The following AKAP19 variants were observed in gnomAD, a reference collection of about 807,000 sequenced individuals.
AKAP19 encodes the protein small A-kinase anchoring protein.
chr2:189,976,593 G>A, the AKAP19 span, among the ~76,000 whole-genome samples: 2 of 152,200 alleles, frequency 1.3e-5, no homozygotes, highest in African/African-American at 4.8e-5. Flanking sequence ...TACAGAGGCA[G>A]GCAGGCCTCC....
chr2:189,920,603 C>T, the AKAP19 span, among the ~76,000 whole-genome samples: 3 of 152,268 alleles, frequency 2.0e-5, no homozygotes, highest in Admixed American at 2.0e-4. Flanking sequence ...CCTGAGGGTA[C>T]CACTATTCAA....
the AKAP19 span, among the ~76,000 whole-genome samples, chr2:190,072,060 A>G: frequency 6.6e-6 from 1 of 152,232 alleles, no homozygotes; most frequent in Non-Finnish European, 1.5e-5. Flanking sequence ...GAAACAAAGC[A>G]GTAGTAGCAA....
the AKAP19 span, among the ~76,000 whole-genome samples, chr2:190,042,103 TC>T: frequency 6.6e-6 from 1 of 152,126 alleles, no homozygotes; most frequent in Non-Finnish European, 1.5e-5. Flanking sequence ...TACCAGCTCT[TC>T]TTTGTACATC....
At chr2:190,121,608 A>C in the AKAP19 span, among the ~76,000 whole-genome samples, 5 of 152,178 alleles carry the variant, frequency 3.3e-5, no homozygotes. Flanking sequence ...TTCCCTTTAA[A>C]AATAAAAAGT....
At chr2:190,039,867 G>A in the AKAP19 span, among the ~76,000 whole-genome samples, 1 of 152,014 alleles carries the variant, frequency 6.6e-6, no homozygotes, top group Non-Finnish European at 1.5e-5. Context: ...CTTTTTTATG[G>A]TCACATAGTA....
At chr2:190,041,203 T>A in the AKAP19 span, among the ~76,000 whole-genome samples, 2 of 151,868 alleles carry the variant, frequency 1.3e-5, no homozygotes, top group African/African-American at 4.8e-5. Context: ...TTCATCTGTG[T>A]TTTGTAATTC....
the AKAP19 span, among the ~76,000 whole-genome samples, chr2:190,171,493 G>A: frequency 0.31 from 47,436 of 151,300 alleles, 7,453 homozygotes; most frequent in Middle Eastern, 0.36. Flanking sequence ...AGTTTTTTTT[G>A]TAAGTTCAAA....
chr2:189,923,363 G>C, the AKAP19 span: 1 of 1,612,622 alleles, frequency 6.2e-7, no homozygotes, highest in Non-Finnish European at 8.5e-7. Context: ...CAACAAGACA[G>C]ATCCTCGTTC....
At chr2:190,132,667 A>T in the AKAP19 span, among the ~76,000 whole-genome samples, 1 of 152,194 alleles carries the variant, frequency 6.6e-6, no homozygotes, top group Non-Finnish European at 1.5e-5. Context: ...ATAAGACCTG[A>T]AACTGTAAAA....
chr2:189,941,811 C>G, the AKAP19 span, among the ~76,000 whole-genome samples: 3 of 152,060 alleles, frequency 2.0e-5, no homozygotes, highest in Non-Finnish European at 4.4e-5. Context: ...ATAGTAAGTC[C>G]TTATCAATAA....
chr2:190,094,187 A>C, the AKAP19 span, among the ~76,000 whole-genome samples: 1 of 152,234 alleles, frequency 6.6e-6, no homozygotes, highest in Non-Finnish European at 1.5e-5. Flanking sequence ...GAGCAACAGG[A>C]AAGTATATCT....
chr2:190,070,624 C>CGG, the AKAP19 span, among the ~76,000 whole-genome samples: 7,068 of 137,112 alleles, frequency 0.052, 390 homozygotes, highest in African/African-American at 0.13. Flanking sequence ...TCCCCCCCCC[C>CGG]TTTTTTTTTG....
chr2:190,052,318 T>G, the AKAP19 span, among the ~76,000 whole-genome samples: 1 of 152,140 alleles, frequency 6.6e-6, no homozygotes, highest in Non-Finnish European at 1.5e-5. Flanking sequence ...AGCGATTGCC[T>G]CAATGACCAC....
chr2:190,013,860 T>A, the AKAP19 span, among the ~76,000 whole-genome samples: 53 of 152,280 alleles, frequency 3.5e-4, 1 homozygote, highest in Non-Finnish European at 6.0e-4. Context: ...ATCTATTTTG[T>A]TTATCTTGTA....
chr2:189,928,486 A>G, the AKAP19 span, among the ~76,000 whole-genome samples: 3 of 152,172 alleles, frequency 2.0e-5, no homozygotes, highest in African/African-American at 7.2e-5. Flanking sequence ...CACAGATAAT[A>G]TTTCACAACT....
At chr2:190,066,705 G>C in the AKAP19 span, among the ~76,000 whole-genome samples, 1 of 152,184 alleles carries the variant, frequency 6.6e-6, no homozygotes, top group Non-Finnish European at 1.5e-5. Flanking sequence ...TAGGTAGCAT[G>C]AATATGGGAA....
the AKAP19 span, among the ~76,000 whole-genome samples, chr2:190,077,127 TA>T: frequency 1.3e-5 from 2 of 152,162 alleles, no homozygotes; most frequent in South Asian, 2.1e-4. Context: ...TTATGTCTTC[TA>T]TTTTTTTCCT....
At chr2:189,929,535 A>T in the AKAP19 span, among the ~76,000 whole-genome samples, 1 of 140,386 alleles carries the variant, frequency 7.1e-6, no homozygotes, top group Non-Finnish European at 1.6e-5. Context: ...ACCCCACTGT[A>T]ATAGAGTTGG....
the AKAP19 span, among the ~76,000 whole-genome samples, chr2:189,881,383 T>G: frequency 1.3e-5 from 2 of 152,174 alleles, no homozygotes; most frequent in Non-Finnish European, 2.9e-5. Context: ...AAATGATGTT[T>G]TTTTCCTAGA....
Sources: gnomAD v4.1 joint callset for allele counts (sites outside exome capture counted in the v4.1 genomes callset) on GRCh38, gnomAD v4.1.1 for gene constraint, MANE v1.5 for transcripts, NCBI Gene and HGNC (gene_info 2026-07-23, HGNC 2026-07-21) for gene names.